The following RUNX2 variants were observed in gnomAD, a reference collection of about 807,000 sequenced individuals.
The protein encoded by RUNX2 is RUNX family transcription factor 2, also known as runt-related transcription factor 2.
In RUNX2, 10 loss-of-function variants were observed where a neutral mutation model predicts 51.7. That is an observed-to-expected ratio of 0.19 (90% CI 0.12 to 0.33). The LOEUF (loss-of-function observed/expected upper bound fraction) is 0.33. RUNX2 is among the 10% of genes least tolerant of loss of function. The pLI, the probability that RUNX2 is intolerant of heterozygous loss-of-function variation, is 1.00. For missense variants in RUNX2, 562 were observed against 691.3 expected (o/e 0.81, Z 2.10); for synonymous variants, 276 against 273.6 (o/e 1.01, Z -0.09).
At chr6:45,346,340 C>A (rs1320199230) in intron 2 of RUNX2, among the ~76,000 whole-genome samples, 1 of 152,010 alleles carries the variant, frequency 6.6e-6, no homozygotes, top group Non-Finnish European at 1.5e-5. Flanking sequence ...TTAAAGGAGT[C>A]TACAGGGTTG....
chr6:45,347,403 T>C (rs1312658520), intron 2 of RUNX2, among the ~76,000 whole-genome samples: 1 of 152,122 alleles, frequency 6.6e-6, no homozygotes, highest in Non-Finnish European at 1.5e-5. Flanking sequence ...CTTTTGGTGG[T>C]AGATGTACAC....
chr6:45,470,013 G>C (rs1177326074), intron 5 of RUNX2, among the ~76,000 whole-genome samples: 1 of 152,130 alleles, frequency 6.6e-6, no homozygotes, highest in Non-Finnish European at 1.5e-5. Flanking sequence ...ACACATTTAA[G>C]CTACTGCACA....
intron 7 of RUNX2, among the ~76,000 whole-genome samples, chr6:45,534,075 A>G (rs1801954387): frequency 6.6e-6 from 1 of 151,728 alleles, no homozygotes; most frequent in Non-Finnish European, 1.5e-5. Flanking sequence ...TTGTATTTTT[A>G]GTAGAGATGG....
At chr6:45,458,173 C>T (rs528922767) in intron 5 of RUNX2, among the ~76,000 whole-genome samples, 1 of 152,096 alleles carries the variant, frequency 6.6e-6, no homozygotes, top group African/African-American at 2.4e-5. Flanking sequence ...ATTACAGGTG[C>T]CTGCCACCAT....
At chr6:45,432,082 T>TATAC in intron 4 of RUNX2, 63 bp downstream of exon 4, 1 of 1,467,598 alleles carries the variant, frequency 6.8e-7, no homozygotes, top group Non-Finnish European at 9.5e-7. Flanking sequence ...TGATGAAATG[T>TATAC]AGACTAGTCT....
intron 5 of RUNX2, among the ~76,000 whole-genome samples, chr6:45,481,078 A>G (rs376940615): frequency 3.3e-5 from 5 of 152,288 alleles, no homozygotes; most frequent in African/African-American, 1.2e-4. Context: ...TTTTTGCTTA[A>G]AACACTCTGT....
intron 7 of RUNX2, among the ~76,000 whole-genome samples, chr6:45,520,052 G>A (rs937428440): frequency 7.2e-5 from 11 of 151,842 alleles, no homozygotes; most frequent in Non-Finnish European, 2.9e-5. Flanking sequence ...GAGTGGTCTC[G>A]AACTCCTGAC....
chr6:45,483,792 G>T (rs749123773), intron 5 of RUNX2, among the ~76,000 whole-genome samples: 3 of 152,184 alleles, frequency 2.0e-5, no homozygotes, highest in Non-Finnish European at 4.4e-5. Flanking sequence ...ATGCGGAGAG[G>T]GTGTTCCAAG....
At chr6:45,504,711 A>G (rs1438811843) in intron 6 of RUNX2, among the ~76,000 whole-genome samples, 1 of 152,184 alleles carries the variant, frequency 6.6e-6, no homozygotes, top group East Asian at 1.9e-4. Context: ...CAGTAATATG[A>G]CAGAAATAGT....
intron 5 of RUNX2, among the ~76,000 whole-genome samples, chr6:45,454,056 T>A (rs1162466051): frequency 6.6e-6 from 1 of 152,234 alleles, no homozygotes; most frequent in Non-Finnish European, 1.5e-5. Flanking sequence ...GAGATGCCTC[T>A]TCCTTTGCTT....
At position 45,485,716 on chromosome 6, in the gene RUNX2, T is replaced by TATATATATATATATATATAC. The variant is rs1554394671; in HGVS notation, c.686-6224_686-6223insTATATATATATATATATACA. Among the ~76,000 whole-genome samples the TATATATATATATATATATAC allele has an allele frequency of 1.5e-3, 189 of 126,284 alleles. 1 individual carries two copies. The highest frequency in any genetic ancestry group is 1.9e-3 in the Non-Finnish European group (106 of 57,188). The allele number at this position is 126,284 out of a possible 152,430, so 82.8% of individuals were successfully genotyped here. ...GTGTGTGTATATATATATATATATA[T>TATATATATATATATATATAC]ACACATATTTAGCATCATCTTATCT... On this transcript the variant is annotated intron_variant, in intron 5 of 8. Transcript: ENST00000647337.
At chr6:45,439,028 G>A (rs753760365) in intron 5 of RUNX2, among the ~76,000 whole-genome samples, 44 of 152,070 alleles carry the variant, frequency 2.9e-4, no homozygotes, top group Admixed American at 5.2e-4. Flanking sequence ...CCATGAGAGT[G>A]GCATATCTTT....
At chr6:45,412,025 G>A (rs984482003) in intron 2 of RUNX2, among the ~76,000 whole-genome samples, 3 of 151,874 alleles carry the variant, frequency 2.0e-5, no homozygotes, top group Non-Finnish European at 4.4e-5. Flanking sequence ...TATAAATCTG[G>A]TCTAAATGTT....
chr6:45,494,177 C>T (rs1454645961), intron 6 of RUNX2, among the ~76,000 whole-genome samples: 1 of 152,180 alleles, frequency 6.6e-6, no homozygotes, highest in Non-Finnish European at 1.5e-5. Flanking sequence ...GAGAGTGAGG[C>T]TCAGAGGAGG....
intron 7 of RUNX2, among the ~76,000 whole-genome samples, chr6:45,521,134 C>A (rs1418351033): frequency 1.3e-5 from 2 of 151,882 alleles, no homozygotes; most frequent in Non-Finnish European, 2.9e-5. Context: ...CAGTTTTTGG[C>A]ACATGGTAGG....
intron 2 of RUNX2, among the ~76,000 whole-genome samples, chr6:45,351,835 T>C (rs1473401898): frequency 6.6e-6 from 1 of 152,204 alleles, no homozygotes; most frequent in Admixed American, 6.5e-5. Flanking sequence ...CCCAGCCCTA[T>C]GCCCAGCTGC....
intron 2 of RUNX2, among the ~76,000 whole-genome samples, chr6:45,409,467 C>G (rs950565197): frequency 2.0e-5 from 3 of 152,150 alleles, no homozygotes; most frequent in African/African-American, 7.2e-5. Flanking sequence ...TTTCTTTATT[C>G]CAGTATGACA....
chr6:45,512,503 T>C lies in RUNX2; in HGVS notation c.1021+96T>C. The C allele has an allele frequency of 3.7e-6, 5 of 1,340,516 alleles. No homozygotes were observed. In the South Asian group the frequency reaches 4.8e-5, roughly 13 times the overall value. 83.0% of individuals were successfully genotyped at this position (1,340,516 alleles called of 1,614,324 possible). ...GTCTCATCCATGCTCACAGTGACTCTCTATTAGAGGCATGTGGGCAAGGGA... is the reference window on the plus strand; with the variant it reads ...GTCTCATCCATGCTCACAGTGACTCCCTATTAGAGGCATGTGGGCAAGGGA... On this transcript the variant is annotated intron_variant, in intron 7 of 8. Coordinates refer to ENST00000647337, the MANE Select transcript of RUNX2 (RefSeq NM_001024630.4).
chr6:45,540,126 G>C (rs1048189446), intron 7 of RUNX2, among the ~76,000 whole-genome samples: 21 of 152,240 alleles, frequency 1.4e-4, no homozygotes, highest in Middle Eastern at 6.8e-3. Context: ...CCAGGAAGAG[G>C]GGCCATGCTT....
Sources: allele counts gnomAD v4.1 joint callset (sites outside exome capture counted in the v4.1 genomes callset), GRCh38; gene constraint gnomAD v4.1.1; transcripts MANE v1.5; gene names NCBI Gene and HGNC (gene_info 2026-07-23, HGNC 2026-07-21).